NUP205: variants seen among roughly 807,000 people sequenced by gnomAD.
NUP205 encodes nuclear pore complex protein Nup205.
NUP205 carries 76 observed loss-of-function variants against 253.8 expected under a neutral mutation model. The ratio of observed to expected loss-of-function variants is 0.30; its 90% CI spans 0.25 to 0.36. The LOEUF (loss-of-function observed/expected upper bound fraction) is 0.36. NUP205 is among the 10% of genes least tolerant of loss of function. The pLI is 1.00. For synonymous variants in NUP205, 832 were observed against 850.1 expected (o/e 0.98, Z 0.37); for missense variants, 2,162 against 2,425.5 (o/e 0.89, Z 2.28).
rs1265214400 is a variant in NUP205, at chr7:135,619,427, T to A, written c.3968T>A (p.Leu1323Gln). 1 of 1,612,410 alleles carries A rather than the reference T, an allele frequency of 6.2e-7. No homozygotes were observed. Among genetic ancestry groups the A allele is most frequent in the Non-Finnish European group, 8.5e-7 (1 of 1,179,832 alleles). Residue 1323 changes from leucine (L) to glutamine (Q), a missense_variant, in exon 29 of 43, where the codon CTG becomes CAG. By Grantham distance (113) the Leu-to-Gln change is moderately radical. Transcript: ENST00000285968. ...AATTTGCCCTTGTCCTTTAAGATAC[T>A]GGATGATGAAGCTGCGCAAGAGTTA... ...DILQDVHDKI[L>Q]DDEAAQELMP...
intron 11 of NUP205, among the ~76,000 whole-genome samples, chr7:135,592,180 G>A (rs1198526892): frequency 6.6e-6 from 1 of 152,166 alleles, no homozygotes; most frequent in Non-Finnish European, 1.5e-5. Context: ...AATCGGCTTG[G>A]CTCCAAAGCC....
intron 36 of NUP205, among the ~76,000 whole-genome samples, chr7:135,637,329 C>T (rs544360541): frequency 3.9e-4 from 60 of 152,314 alleles, no homozygotes; most frequent in Admixed American, 9.8e-4. Context: ...ATCGGCTAAC[C>T]TCTGGATATA....
At chr7:135,583,849 T>C (rs1806381076) in intron 7 of NUP205, among the ~76,000 whole-genome samples, 2 of 141,278 alleles carry the variant, frequency 1.4e-5, no homozygotes, top group South Asian at 2.2e-4. Context: ...TCTTTCTTTT[T>C]TTTTTTTTTT....
intron 38 of NUP205, among the ~76,000 whole-genome samples, chr7:135,640,212 A>G (rs934958885): frequency 1.3e-5 from 2 of 152,232 alleles, no homozygotes; most frequent in Non-Finnish European, 2.9e-5. Flanking sequence ...GTATCCCAGA[A>G]CTTCAAGTTA....
rs1373660933 is a variant in NUP205, at chr7:135,628,071, T to G, written c.4892T>G (p.Leu1631Arg). 6.2e-7 allele frequency: 1 copy of G among 1,610,302 alleles called. No individual in the cohort carries two copies. The highest frequency in any genetic ancestry group is 8.5e-7 in the Non-Finnish European group (1 of 1,179,368). Residue 1631 changes from leucine (L) to arginine (R), a missense_variant, in exon 34 of 43, where the codon CTC (leucine) becomes CGC (arginine). By Grantham distance (102) the Leu-to-Arg change is moderately radical. Transcript: ENST00000285968. ...GCTCTCCAGCTGTGCCAGGTCATCC[T>G]CACATCTAGTATGGCCCAGCACTTG... ...LPALQLCQVI[L>R]TSSMAQHLQA...
At chr7:135,621,483 A>G (rs375292571) in intron 30 of NUP205, among the ~76,000 whole-genome samples, 1 of 152,236 alleles carries the variant, frequency 6.6e-6, no homozygotes, top group East Asian at 1.9e-4. Context: ...AGAAGTCATC[A>G]AGATGCCAAT....
Position 135,578,899 on chromosome 7 carries a change from G to C in NUP205, c.1026G>C (p.Gln342His), listed in dbSNP as rs1261349527. 1.3e-5 allele frequency: 20 copies of C among 1,596,292 alleles called. No homozygotes were observed. The highest frequency in any genetic ancestry group is 1.7e-5 in the Non-Finnish European group (20 of 1,174,764). The change falls in exon 7 of 43, where the codon CAG (glutamine) becomes CAC (histidine). Residue 342 changes from glutamine (Q) to histidine (H), a missense_variant. Transcript: ENST00000285968. The part of the protein sequence containing the change: ...AWALALRGIS[Q>H]LPDVTALAEF... ...CGCTGGCATTGAGGGGAATATCCCAGCTACCTGATGTGACAGGTGAATTGA... is the reference window on the plus strand; with the variant it reads ...CGCTGGCATTGAGGGGAATATCCCACCTACCTGATGTGACAGGTGAATTGA...
intron 34 of NUP205, among the ~76,000 whole-genome samples, chr7:135,629,466 CCTATCTCTCTCTCT>C (rs1794659112): frequency 1.4e-5 from 1 of 73,210 alleles, no homozygotes; most frequent in Non-Finnish European, 3.0e-5. Flanking sequence ...ATAGTGAGAC[CCTATCTCTCTCTCT>C]CTCTCTCTCT....
chr7:135,638,085 G>T, intron 37 of NUP205, 26 bp downstream of exon 37: 3 of 1,598,970 alleles, frequency 1.9e-6, no homozygotes, highest in Non-Finnish European at 1.7e-6. Flanking sequence ...CTTCTCTAAG[G>T]TTTTTATGTT....
At chr7:135,584,017 A>AT (rs1806389221) in intron 7 of NUP205, among the ~76,000 whole-genome samples, 1 of 151,636 alleles carries the variant, frequency 6.6e-6, no homozygotes, top group African/African-American at 2.4e-5. Flanking sequence ...AATTTTTTGT[A>AT]TTTTTAGTAG....
chr7:135,572,218 G>A (rs931683522), intron 2 of NUP205, among the ~76,000 whole-genome samples: 8 of 152,114 alleles, frequency 5.3e-5, no homozygotes, highest in African/African-American at 1.9e-4. Flanking sequence ...TTAATATTAT[G>A]TTTATTTCTA....
At chr7:135,608,318 C>T (rs1794133137) in intron 22 of NUP205, among the ~76,000 whole-genome samples, 1 of 152,148 alleles carries the variant, frequency 6.6e-6, no homozygotes, top group African/African-American at 2.4e-5. Context: ...GCCACCGCGC[C>T]TGGCCAGAAA....
In NUP205 at chr7:135,637,782, G is replaced by T; in HGVS notation, c.5137-149G>T. ...TTGCAAAAAGTTGAATTTTAATAAT[G>T]CTACTTTTAGTTGGCTCAGTTTTAA... is the stretch of plus-strand genomic sequence containing the variant. On this transcript the variant is annotated intron_variant, in intron 36 of 42. Coordinates refer to ENST00000285968, the MANE Select transcript of NUP205 (RefSeq NM_015135.3). 1.7e-6 allele frequency: 1 copy of T among 583,528 alleles called. No individual in the cohort carries two copies. Among genetic ancestry groups the T allele is most frequent in the South Asian group, 3.6e-5 (1 of 27,988 alleles). 36.1% of individuals were successfully genotyped at this position (583,528 alleles called of 1,614,324 possible).
chr7:135,639,026 A>C (rs1794869763), intron 38 of NUP205, among the ~76,000 whole-genome samples: 1 of 152,234 alleles, frequency 6.6e-6, no homozygotes, highest in Non-Finnish European at 1.5e-5. Context: ...GTTAAGCTGA[A>C]TTCAGTGTCT....
chr7:135,634,095 T>TA (rs1794765708), intron 35 of NUP205, among the ~76,000 whole-genome samples: 1 of 152,182 alleles, frequency 6.6e-6, no homozygotes. Context: ...GATATATATA[T>TA]TTTTTAATTT....
At chr7:135,590,072 T>C (rs1450994452) in intron 10 of NUP205, among the ~76,000 whole-genome samples, 1 of 151,160 alleles carries the variant, frequency 6.6e-6, no homozygotes, top group Non-Finnish European at 1.5e-5. Context: ...TAACATCTTA[T>C]GATGTTTGCT....
At chr7:135,571,923 G>A (rs921615655) in intron 2 of NUP205, among the ~76,000 whole-genome samples, 4 of 152,170 alleles carry the variant, frequency 2.6e-5, no homozygotes, top group African/African-American at 7.2e-5. Context: ...CTGGAGTGAA[G>A]TGGCCTGATT....
chr7:135,615,747 CT>C (rs1794342822), intron 23 of NUP205, among the ~76,000 whole-genome samples, 168 bp from the exon 24 acceptor site: 1 of 151,714 alleles, frequency 6.6e-6, no homozygotes, highest in Non-Finnish European at 1.5e-5. Context: ...TTCTTGGTAT[CT>C]TTTTTTTCCT....
intron 27 of NUP205, 93 bp from the exon 28 acceptor site, chr7:135,618,319 A>T: frequency 1.0e-6 from 1 of 1,004,892 alleles, no homozygotes; most frequent in Non-Finnish European, 1.5e-6. Flanking sequence ...GCATGCATGT[A>T]GTAGGTTTCC....
Sources: gnomAD v4.1 joint callset for allele counts (sites outside exome capture counted in the v4.1 genomes callset) on GRCh38, gnomAD v4.1.1 for gene constraint, MANE v1.5 for transcripts, NCBI Gene and HGNC (gene_info 2026-07-23, HGNC 2026-07-21) for gene names.